ELOVL5: variants seen among roughly 807,000 people sequenced by gnomAD.
ELOVL5 encodes the protein ELOVL fatty acid elongase 5, also known as very long chain fatty acid elongase 5.
Under a neutral mutation model 38.6 loss-of-function variants are expected in ELOVL5, and 8 were observed. The observed-to-expected ratio is 0.21, with a 90% CI of 0.12 to 0.37. The LOEUF (loss-of-function observed/expected upper bound fraction) is 0.37. Ranked by LOEUF, ELOVL5 falls within the 10% of genes least tolerant of loss-of-function variation. ELOVL5 has a pLI of 1.00. For missense variants in ELOVL5, 280 were observed against 367.8 expected (o/e 0.76, Z 1.95); for synonymous variants, 127 against 133.7 (o/e 0.95, Z 0.34).
chr6:53,297,383 T>A (rs1202867335), intron 1 of ELOVL5, among the ~76,000 whole-genome samples: 1 of 152,116 alleles, frequency 6.6e-6, no homozygotes, highest in South Asian at 2.1e-4. Flanking sequence ...ATTCCAGAAA[T>A]AAACAATTCA....
Position 53,295,671 on chromosome 6 carries a change from G to T in ELOVL5, c.29C>A (p.Thr10Asn), listed in dbSNP as rs760253031. 9.4e-6 allele frequency: 15 copies of T among 1,597,010 alleles called. No individual in the cohort carries two copies. The highest frequency in any genetic ancestry group is 1.8e-5 in the Admixed American group (1 of 55,200). ...AGGGCCTAGCAATGCCTTGAAATAG[G>T]TACTAAGTGATGCATCAAAATGTTC... MEHFDASLS[T>N]YFKALLGPRD... The change falls in exon 2 of 8, where the codon ACC (threonine) becomes AAC (asparagine). Residue 10 changes from threonine to asparagine, a missense_variant. Physicochemically the swap from Thr to Asn is moderately conservative, Grantham distance 65. Around this residue, in one of 3 missense-constraint regions of ELOVL5, gnomAD observed 150 missense variants for 178.0 expected, o/e 0.84. Transcript: ENST00000304434.
intron 1 of ELOVL5, among the ~76,000 whole-genome samples, chr6:53,331,587 C>T (rs1181042627): frequency 3.9e-5 from 6 of 152,142 alleles, no homozygotes; most frequent in Non-Finnish European, 8.8e-5. Flanking sequence ...TCTTATGGGA[C>T]CACCATTATA....
At chr6:53,296,999 A>G (rs1413690140) in intron 1 of ELOVL5, among the ~76,000 whole-genome samples, 1 of 152,236 alleles carries the variant, frequency 6.6e-6, no homozygotes, top group Admixed American at 6.5e-5. Context: ...AAGTCAATCC[A>G]GATGAGATGG....
chr6:53,324,995 T>C (rs965419040), intron 1 of ELOVL5, among the ~76,000 whole-genome samples: 1 of 152,128 alleles, frequency 6.6e-6, no homozygotes, highest in Non-Finnish European at 1.5e-5. Flanking sequence ...GCCAAAGACT[T>C]TTTTTCTGGA....
intron 7 of ELOVL5, among the ~76,000 whole-genome samples, chr6:53,269,852 A>G (rs944411597): frequency 3.3e-5 from 5 of 152,228 alleles, no homozygotes; most frequent in African/African-American, 4.8e-5. Context: ...CTGAAACTCA[A>G]CATGCCACAC....
intron 6 of ELOVL5, among the ~76,000 whole-genome samples, chr6:53,272,794 T>C (rs1473599207): frequency 6.6e-6 from 1 of 152,154 alleles, no homozygotes; most frequent in Non-Finnish European, 1.5e-5. Context: ...ACAAATATCC[T>C]TGCTGCCTAG....
chr6:53,270,623 C>T lies in ELOVL5; in HGVS notation c.726G>A (p.Leu242=). 1 of 1,614,160 alleles carries T rather than the reference C, an allele frequency of 6.2e-7. No individual in the cohort carries two copies. The highest frequency in any genetic ancestry group is 8.5e-7 in the Non-Finnish European group (1 of 1,180,022). Residue 242 remains leucine, a synonymous_variant, in exon 7 of 8, where the codon CTG becomes CTA. Coordinates refer to ENST00000304434, the MANE Select transcript of ELOVL5 (RefSeq NM_021814.5). The part of the protein sequence containing the change: ...LYFQIGYMIS[L]IALFTNFYIQ... ...TGTAGAAGTTTGTGAAGAGAGCAAT[C>T]AGGGAAATCATGTATCCAATCTGGA...
chr6:53,343,413 A>G (rs1044750348), intron 1 of ELOVL5, among the ~76,000 whole-genome samples: 3 of 152,068 alleles, frequency 2.0e-5, no homozygotes, highest in Non-Finnish European at 4.4e-5. Context: ...GGGTCTTGCC[A>G]TATTGCCCAG....
intron 1 of ELOVL5, among the ~76,000 whole-genome samples, chr6:53,342,219 C>T (rs756619611): frequency 6.6e-6 from 1 of 152,086 alleles, no homozygotes; most frequent in Non-Finnish European, 1.5e-5. Context: ...ATTTCTTCTG[C>T]CAAAGACTGA....
chr6:53,347,733 C>A (rs1769622121), intron 1 of ELOVL5, among the ~76,000 whole-genome samples: 1 of 151,996 alleles, frequency 6.6e-6, no homozygotes, highest in African/African-American at 2.4e-5. Flanking sequence ...CGCCCCCGAC[C>A]CCGCCACCTC....
chr6:53,340,220 TAAGG>T (rs906926184), intron 1 of ELOVL5, among the ~76,000 whole-genome samples: 9 of 151,900 alleles, frequency 5.9e-5, no homozygotes, highest in Non-Finnish European at 1.0e-4. Flanking sequence ...GTTTATGTAT[TAAGG>T]AAGAAAAATA....
chr6:53,319,313 A>AAAAG (rs1561885230), intron 1 of ELOVL5, among the ~76,000 whole-genome samples: 22 of 133,136 alleles, frequency 1.7e-4, no homozygotes, highest in Middle Eastern at 4.1e-3. Flanking sequence ...AAAAAAAAAA[A>AAAAG]AAAGAAAGAA....
chr6:53,336,953 T>C (rs1440827764), intron 1 of ELOVL5: 2 of 152,352 alleles, frequency 1.3e-5, no homozygotes, highest in Non-Finnish European at 2.9e-5. Context: ...CTATGATTTC[T>C]GGTAGTGAGC....
intron 1 of ELOVL5, among the ~76,000 whole-genome samples, chr6:53,298,537 G>C (rs916680553): frequency 6.6e-6 from 1 of 151,986 alleles, no homozygotes; most frequent in South Asian, 2.1e-4. Context: ...TCTGAAAAAC[G>C]GGGAAAAGAC....
intron 5 of ELOVL5, 61 bp from the exon 6 acceptor site, chr6:53,273,405 TAAAAA>T: frequency 1.7e-6 from 2 of 1,177,348 alleles, no homozygotes; most frequent in Non-Finnish European, 1.2e-6. Flanking sequence ...GAACAGGTGG[TAAAAA>T]AAAAAAAAAT....
At position 53,294,766 on chromosome 6, in the gene ELOVL5, C is replaced by T. The variant is rs766822983; in HGVS notation, c.58+876G>A. Among the ~76,000 whole-genome samples, 5 of 152,132 alleles carry T rather than the reference C, an allele frequency of 3.3e-5. No homozygotes were observed. In the East Asian group the frequency reaches 9.6e-4, roughly 29 times the overall value. On this transcript the variant is annotated intron_variant, in intron 2 of 7. Transcript: ENST00000304434. The stretch of plus-strand genomic sequence containing the variant: ...AACCTCTCCCCTACTGACAGGCATC[C>T]AGATGATTCCTTGAAAAACAATGCT...
At chr6:53,340,007 G>A (rs1288760009) in intron 1 of ELOVL5, among the ~76,000 whole-genome samples, 1 of 151,984 alleles carries the variant, frequency 6.6e-6, no homozygotes, top group Non-Finnish European at 1.5e-5. Flanking sequence ...TACAGACCTA[G>A]GCTAATGTGT....
At chr6:53,300,205 G>A (rs751765477) in intron 1 of ELOVL5, among the ~76,000 whole-genome samples, 1 of 152,074 alleles carries the variant, frequency 6.6e-6, no homozygotes, top group Non-Finnish European at 1.5e-5. Context: ...GTTTGTTTCT[G>A]CACAGGTTAC....
At chr6:53,326,236 A>C (rs1768535861) in intron 1 of ELOVL5, among the ~76,000 whole-genome samples, 1 of 151,578 alleles carries the variant, frequency 6.6e-6, no homozygotes, top group Admixed American at 6.6e-5. Context: ...TTTCCTGTGG[A>C]CTCCCAGCTG....
Sources: gnomAD v4.1 joint callset for allele counts (sites outside exome capture counted in the v4.1 genomes callset) on GRCh38, gnomAD v4.1.1 for gene constraint, gnomAD v4.1.1 regional missense constraint, MANE v1.5 for transcripts, NCBI Gene and HGNC (gene_info 2026-07-23, HGNC 2026-07-21) for gene names.